Variants in ZNF248 observed in about 807,000 individuals in gnomAD.
ZNF248 encodes KRAB protein domain.
A neutral mutation model predicts 44.3 loss-of-function variants in ZNF248; 20 were observed. The ratio of observed to expected loss-of-function variants is 0.45; its 90% CI spans 0.32 to 0.66. The LOEUF is 0.66. Among genes scored for constraint, ZNF248 ranks in the 30% least tolerant of loss-of-function variants. The pLI is 0.04. For synonymous variants in ZNF248, 224 were observed against 229.0 expected, an observed-to-expected ratio of 0.98 and a Z score of 0.20; for missense variants, 654 against 677.0, an observed-to-expected ratio of 0.97 and a Z score of 0.38.
rs1176349125 is a variant in ZNF248, at chr10:37,830,494, T to C, written c.*1121A>G. ...GGTAGTTAAAAACCTCACGGAAATA[T>C]TTTTGGCTTCTTTCTTGAAGACGTG... On this transcript the variant is annotated 3_prime_UTR_variant, in exon 6 of 6. Coordinates refer to ENST00000395867, the MANE Select transcript of ZNF248 (RefSeq NM_021045.3). 1.0e-6 allele frequency: 1 copy of C among 985,288 alleles called. No individual in the cohort carries two copies. The highest frequency in any genetic ancestry group is 1.2e-6 in the Non-Finnish European group (1 of 829,932). The allele number at this position is 985,288 out of a possible 1,614,324, so 61.0% of individuals were successfully genotyped here. A position where few individuals can be genotyped will look rare whatever the true frequency, so the allele number is the denominator to read the frequency against.
chr10:37,835,996 A>G (rs1057411064), intron 5 of ZNF248, among the ~76,000 whole-genome samples: 11 of 152,152 alleles, frequency 7.2e-5, no homozygotes, highest in African/African-American at 2.7e-4. Flanking sequence ...TCTCCTCTCT[A>G]ATTTTTCTCT....
At chr10:37,812,315 TG>T (rs1003989029) in intron 6 of ZNF248, among the ~76,000 whole-genome samples, 1 of 151,342 alleles carries the variant, frequency 6.6e-6, no homozygotes, top group Non-Finnish European at 1.5e-5. Context: ...AAAGTGTCTT[TG>T]GGAAAAAAAA....
At chr10:37,804,579 A>G (rs1314782039) in intron 6 of ZNF248, among the ~76,000 whole-genome samples, 2 of 152,284 alleles carry the variant, frequency 1.3e-5, no homozygotes, top group Middle Eastern at 3.4e-3. Flanking sequence ...GACTACAGGC[A>G]CCTGCCACCA....
chr10:37,810,231 C>CAGA (rs1192654811), intron 6 of ZNF248, among the ~76,000 whole-genome samples: 2 of 152,100 alleles, frequency 1.3e-5, no homozygotes, highest in African/African-American at 4.8e-5. Flanking sequence ...GTTTCCTTAC[C>CAGA]TTCTGTCTGG....
At chr10:37,788,379 G>C (rs946782248) in intron 6 of ZNF248, among the ~76,000 whole-genome samples, 13 of 151,950 alleles carry the variant, frequency 8.6e-5, no homozygotes, top group African/African-American at 2.9e-4. Context: ...CCAGCACTTT[G>C]GGAGGCTGAG....
chr10:37,759,045 C>T, the ZNF248 span, among the ~76,000 whole-genome samples: 32 of 152,270 alleles, frequency 2.1e-4, no homozygotes, highest in African/African-American at 7.5e-4. Context: ...AGATGGACTC[C>T]CTTGGACCTC....
intron 3 of ZNF248, among the ~76,000 whole-genome samples, chr10:37,839,419 C>A (rs2057892384): frequency 6.6e-6 from 1 of 152,078 alleles, no homozygotes; most frequent in East Asian, 1.9e-4. Context: ...GTTTCTAACG[C>A]CATGCTCCAA....
At chr10:37,822,231 A>G (rs562705951) in intron 6 of ZNF248, among the ~76,000 whole-genome samples, 11 of 152,222 alleles carry the variant, frequency 7.2e-5, no homozygotes, top group South Asian at 4.1e-4. Context: ...GCGGTCTTAA[A>G]TAACAGCCTT....
At chr10:37,854,785 T>C (rs961705324) in intron 3 of ZNF248, among the ~76,000 whole-genome samples, 1 of 152,232 alleles carries the variant, frequency 6.6e-6, no homozygotes, top group African/African-American at 2.4e-5. Context: ...AGTAGTTTAA[T>C]GAACTATGGA....
chr10:37,819,027 C>A (rs2053029866), intron 6 of ZNF248: 1 of 830,544 alleles, frequency 1.2e-6, no homozygotes, highest in African/African-American at 1.7e-5. Flanking sequence ...GATGTCAGCT[C>A]CATGCCACCC....
chr10:37,827,172 G>A (rs1343537596), downstream of ZNF248, among the ~76,000 whole-genome samples: 2 of 152,140 alleles, frequency 1.3e-5, no homozygotes, highest in African/African-American at 4.8e-5. Context: ...CTGTTTTAAG[G>A]GATGTTATCA....
At chr10:37,785,326 C>A (rs1264767041) in intron 6 of ZNF248, among the ~76,000 whole-genome samples, 1 of 152,178 alleles carries the variant, frequency 6.6e-6, no homozygotes, top group Non-Finnish European at 1.5e-5. Context: ...ACAAACTGAG[C>A]AGCTGACTTA....
chr10:37,828,926 TA>T lies in ZNF248; in HGVS notation c.*2688del. 1 of 985,414 alleles carries T rather than the reference TA, an allele frequency of 1.0e-6. No homozygotes were observed. The highest frequency in any genetic ancestry group is 1.2e-6 in the Non-Finnish European group (1 of 829,928). 61.0% of individuals were successfully genotyped at this position (985,414 alleles called of 1,614,324 possible). A position where few individuals can be genotyped will look rare whatever the true frequency, so the allele number is the denominator to read the frequency against. ...TACCTGTGTAGTTCCAAAGGGAGTT[TA>T]CTTATGCTAACAGGAAAGCAGAACA... On this transcript the variant is annotated 3_prime_UTR_variant, in exon 6 of 6. Transcript: ENST00000395867.
chr10:37,820,632 T>C, intron 6 of ZNF248: 3 of 1,544,594 alleles, frequency 1.9e-6, no homozygotes, highest in Non-Finnish European at 2.7e-6. Flanking sequence ...CCTTGGCTAG[T>C]TTCATGTGGT....
intron 3 of ZNF248, among the ~76,000 whole-genome samples, chr10:37,851,020 G>C (rs1052995441): frequency 6.6e-6 from 1 of 152,034 alleles, no homozygotes; most frequent in Non-Finnish European, 1.5e-5. Context: ...CCAACAAGGA[G>C]AAAATATTTG....
At chr10:37,811,369 C>T (rs1208694) in intron 6 of ZNF248, among the ~76,000 whole-genome samples, 9,115 of 152,076 alleles carry the variant, frequency 0.06, 351 homozygotes, top group Middle Eastern at 0.095. Context: ...CCATAAGGCA[C>T]ACCTACAGAC....
intron 6 of ZNF248, among the ~76,000 whole-genome samples, chr10:37,790,105 C>CAA (rs35795208): frequency 2.4e-5 from 3 of 123,092 alleles, no homozygotes; most frequent in Admixed American, 1.7e-4. Context: ...ACTGAAAATA[C>CAA]AAAAAAAAAA....
At chr10:37,834,873 C>T (rs996207232) in intron 5 of ZNF248, among the ~76,000 whole-genome samples, 25 of 151,898 alleles carry the variant, frequency 1.6e-4, no homozygotes, top group Admixed American at 9.2e-4. Flanking sequence ...TAGAATAGGA[C>T]GGGATTTGAC....
chr10:37,823,368 T>C (rs867112533), intron 6 of ZNF248, among the ~76,000 whole-genome samples: 5 of 56,774 alleles, frequency 8.8e-5, no homozygotes, highest in African/African-American at 2.9e-4. Flanking sequence ...AAAAAGCAAA[T>C]AACAACAGGA....
Sources: gnomAD v4.1 joint callset for allele counts (sites outside exome capture counted in the v4.1 genomes callset) on GRCh38, gnomAD v4.1.1 for gene constraint, MANE v1.5 for transcripts, NCBI Gene and HGNC (gene_info 2026-07-23, HGNC 2026-07-21) for gene names.